The following PRKN variants were observed in gnomAD, a reference collection of about 807,000 sequenced individuals.
PRKN encodes E3 ubiquitin-protein ligase parkin.
A neutral mutation model predicts 59.5 loss-of-function variants in PRKN; 56 were observed. The observed-to-expected ratio is 0.94, with a 90% confidence interval of 0.76 to 1.18. The LOEUF is 1.18. Among genes scored for constraint, PRKN ranks in the 50% most tolerant of loss-of-function variants. PRKN has a pLI of 0.00. For synonymous variants in PRKN, 250 were observed against 222.1 expected, an observed-to-expected ratio of 1.13 and a Z score of -1.12; for missense variants, 657 against 596.4, an observed-to-expected ratio of 1.10 and a Z score of -1.06.
intron 1 of PRKN, among the ~76,000 whole-genome samples, chr6:162,501,513 A>ATTTT (rs201004163): frequency 7.9e-6 from 1 of 126,570 alleles, no homozygotes. Context: ...ACGCCTGGTT[A>ATTTT]ATTTTTTTTT....
intron 4 of PRKN, among the ~76,000 whole-genome samples, chr6:162,084,012 TAGAA>T (rs1390963467): frequency 8.5e-5 from 13 of 152,080 alleles, no homozygotes; most frequent in African/African-American, 3.1e-4. Flanking sequence ...AAAATAATTT[TAGAA>T]AGAATTGAAA....
intron 10 of PRKN, among the ~76,000 whole-genome samples, chr6:161,370,424 CAA>C (rs71004046): frequency 0.44 from 52,881 of 120,546 alleles, 11,148 homozygotes; most frequent in African/African-American, 0.6. Context: ...ACTCAAAATA[CAA>C]AAAAAAAAAA....
rs1391711327 is a variant in PRKN at position 161,419,827 on chromosome 6, T to C, written c.1084-32950A>G. Among the ~76,000 whole-genome samples, 6 of 150,986 alleles carry C rather than the reference T, an allele frequency of 4.0e-5. No individual in the cohort carries two copies. Among genetic ancestry groups the C allele is most frequent in the African/African-American group, 1.5e-4 (6 of 40,392 alleles). ...TCACTTACCATCTCTGAATTTCCAT[T>C]TATTTCACTGTGAAAGGGGGAAATT... On this transcript the variant is annotated intron_variant, in intron 9 of 11. Transcript: ENST00000366898. The surrounding 1 kb of genome is among the most constrained non-coding windows in gnomAD (Gnocchi z 4.1).
At chr6:161,823,333 A>G (rs940096114) in intron 6 of PRKN, among the ~76,000 whole-genome samples, 2 of 152,100 alleles carry the variant, frequency 1.3e-5, no homozygotes, top group African/African-American at 4.8e-5. Context: ...CCATTCATTC[A>G]TCTATTCATA....
At chr6:162,504,193 C>G (rs868042364) in intron 1 of PRKN, among the ~76,000 whole-genome samples, 1 of 152,130 alleles carries the variant, frequency 6.6e-6, no homozygotes, top group South Asian at 2.1e-4. Flanking sequence ...TCCGCATCAG[C>G]CTAGGGTCCT....
At chr6:161,724,874 T>C (rs560643797) in intron 7 of PRKN, among the ~76,000 whole-genome samples, 3 of 152,330 alleles carry the variant, frequency 2.0e-5, no homozygotes, top group South Asian at 2.1e-4. Flanking sequence ...TGGGGCCTGG[T>C]AGGAGGTGTT....
At chr6:162,077,857 A>G (rs1355208847) in intron 4 of PRKN, among the ~76,000 whole-genome samples, 2 of 151,724 alleles carry the variant, frequency 1.3e-5, no homozygotes, top group African/African-American at 2.4e-5. Flanking sequence ...AAAATTAGTC[A>G]GTCATGGTGA....
At chr6:162,546,314 G>A (rs535105494) in intron 1 of PRKN, among the ~76,000 whole-genome samples, 1 of 152,072 alleles carries the variant, frequency 6.6e-6, no homozygotes, top group Non-Finnish European at 1.5e-5. Context: ...TGTTGGCCAG[G>A]CTGGTCTCGA....
chr6:162,141,970 C>A (rs1781801068), intron 4 of PRKN, among the ~76,000 whole-genome samples: 1 of 152,160 alleles, frequency 6.6e-6, no homozygotes, highest in Non-Finnish European at 1.5e-5. Flanking sequence ...GTCTGCAATG[C>A]ACCATTGTAA....
intron 1 of PRKN, among the ~76,000 whole-genome samples, chr6:162,512,004 CTG>C (rs534245267): frequency 6.6e-4 from 100 of 152,226 alleles, no homozygotes; most frequent in African/African-American, 2.3e-3. Context: ...TATATTTATG[CTG>C]TGTTAGTGAA....
At chr6:162,147,835 T>A (rs187353928) in intron 4 of PRKN, among the ~76,000 whole-genome samples, 12 of 152,280 alleles carry the variant, frequency 7.9e-5, no homozygotes, top group Admixed American at 3.3e-4. Flanking sequence ...GGGTTATAAT[T>A]TTAACCACAA....
intron 7 of PRKN, among the ~76,000 whole-genome samples, chr6:161,603,791 C>A (rs1037982413): frequency 1.3e-5 from 2 of 152,160 alleles, no homozygotes; most frequent in African/African-American, 4.8e-5. Flanking sequence ...CAGAGGACAG[C>A]AAATTTGACC....
chr6:161,661,412 G>A (rs1040732892), intron 7 of PRKN, among the ~76,000 whole-genome samples: 2 of 152,066 alleles, frequency 1.3e-5, no homozygotes, highest in African/African-American at 4.8e-5. Flanking sequence ...TCCCCTCCCA[G>A]ATATCTGTGT....
intron 6 of PRKN, among the ~76,000 whole-genome samples, chr6:161,788,570 C>T (rs189038285): frequency 4.3e-4 from 65 of 152,258 alleles, no homozygotes; most frequent in African/African-American, 1.5e-3. Context: ...CCTCCTTGAA[C>T]TGAGGATGTC....
rs71544915 is a variant in PRKN at position 161,733,770 on chromosome 6, GAAAAAAAA to G, written c.871+51994_871+52001del. On this transcript the variant is annotated intron_variant, in intron 7 of 11. Transcript: ENST00000366898. ...GTATTGTTGAAAATTCCCAGGGGGT[GAAAAAAAA>G]AAAAAATATATATATATATGTATAT... is the stretch of plus-strand genomic sequence containing the variant. Among the ~76,000 whole-genome samples, 342 of 102,402 alleles carry G rather than the reference GAAAAAAAA, an allele frequency of 3.3e-3. 4 individuals are homozygous for G. The highest frequency in any genetic ancestry group is 0.014 in the African/African-American group (326 of 23,084). 67.2% of individuals were successfully genotyped at this position (102,402 alleles called of 152,430 possible). A position where few individuals can be genotyped will look rare whatever the true frequency, so the allele number is the denominator to read the frequency against.
At chr6:162,546,680 G>A (rs1779129374) in intron 1 of PRKN, among the ~76,000 whole-genome samples, 1 of 152,030 alleles carries the variant, frequency 6.6e-6, no homozygotes, top group South Asian at 2.1e-4. Flanking sequence ...CTGACCTCAG[G>A]TGATCCACCC....
At chr6:162,064,134 C>T (rs767533728) in intron 4 of PRKN, among the ~76,000 whole-genome samples, 23 of 152,078 alleles carry the variant, frequency 1.5e-4, no homozygotes, top group Non-Finnish European at 3.2e-4. Context: ...AAACAAAACA[C>T]CATATTTACC....
intron 5 of PRKN, among the ~76,000 whole-genome samples, chr6:161,985,490 A>G (rs1781402785): frequency 6.6e-6 from 1 of 152,202 alleles, no homozygotes; most frequent in Non-Finnish European, 1.5e-5. Flanking sequence ...GTAATTATTT[A>G]CGAGAAACTG....
rs546562851 is a variant in PRKN, at chr6:162,048,154, A to G, written c.618+5937T>C. On this transcript the variant is annotated intron_variant, in intron 5 of 11. Coordinates refer to ENST00000366898, the MANE Select transcript of PRKN (RefSeq NM_004562.3). ...TCTAAAAAAGAAAATGTTATTTTAC[A>G]TAACACTTCAGGTAAATTCTGCCTC... Among the ~76,000 whole-genome samples, 6 of 152,348 alleles carry G rather than the reference A, an allele frequency of 3.9e-5. No individual in the cohort carries two copies. The South Asian group carries it at 8.3e-4, about 21-fold the overall frequency.
Sources: allele counts gnomAD v4.1 joint callset (sites outside exome capture counted in the v4.1 genomes callset), GRCh38; gene constraint gnomAD v4.1.1; non-coding constraint Gnocchi (gnomAD v3.1); transcripts MANE v1.5; gene names NCBI Gene and HGNC (gene_info 2026-07-23, HGNC 2026-07-21).